Variants in BRINP3 observed in about 807,000 individuals in gnomAD.
BRINP3 encodes the protein BMP/retinoic acid inducible neural specific 3, also known as BMP/retinoic acid-inducible neural-specific protein 3.
BRINP3 carries 19 observed loss-of-function variants against 71.0 expected under a neutral mutation model. The ratio of observed to expected loss-of-function variants is 0.27; its 90% confidence interval spans 0.19 to 0.39. The LOEUF is 0.39. BRINP3 is among the 10% of genes least tolerant of loss of function. BRINP3 has a pLI of 1.00. For synonymous variants in BRINP3, 380 were observed against 337.7 expected (o/e 1.13, Z -1.37); for missense variants, 959 against 940.8 (o/e 1.02, Z -0.25).
At chr1:190,461,753 AGAATCTGTATCC>A (rs1004892194) in intron 1 of BRINP3, among the ~76,000 whole-genome samples, 3 of 152,170 alleles carry the variant, frequency 2.0e-5, no homozygotes, top group African/African-American at 7.2e-5. Flanking sequence ...GAATCTACAG[AGAATCTGTATCC>A]GAATCTGCAT....
At chr1:190,203,099 A>G (rs1312430832) in intron 6 of BRINP3, among the ~76,000 whole-genome samples, 1 of 152,034 alleles carries the variant, frequency 6.6e-6, no homozygotes, top group Non-Finnish European at 1.5e-5. Flanking sequence ...ATTTTCTTCA[A>G]TTCTGTACCA....
In BRINP3 at chr1:190,104,501, C is replaced by CT. The variant is rs201710514; in HGVS notation, c.1185-5368dup. Among the ~76,000 whole-genome samples the CT allele has an allele frequency of 2.0e-3, 296 of 151,426 alleles. 2 individuals carry two copies. Among genetic ancestry groups the CT allele is most frequent in the African/African-American group, 5.5e-3 (227 of 41,356 alleles). ...GTAGGCATTTTCTTTATTATAGCCACTTTTTTTTTCTCAGAAGATGGAACA... is the reference window on the plus strand; with the variant it reads ...GTAGGCATTTTCTTTATTATAGCCACTTTTTTTTTTCTCAGAAGATGGAACA... On this transcript the variant is annotated intron_variant, in intron 7 of 7. Coordinates refer to ENST00000367462, the MANE Select transcript of BRINP3 (RefSeq NM_199051.3).
intron 2 of BRINP3, among the ~76,000 whole-genome samples, chr1:190,317,530 T>C (rs1665968789): frequency 6.6e-6 from 1 of 152,180 alleles, no homozygotes; most frequent in Non-Finnish European, 1.5e-5. Flanking sequence ...ACATTATGCT[T>C]GAGACCCAAT....
chr1:190,333,591 C>T (rs547182932), intron 2 of BRINP3, among the ~76,000 whole-genome samples: 2 of 151,904 alleles, frequency 1.3e-5, no homozygotes, highest in Non-Finnish European at 2.9e-5. Context: ...ATGGCATCAC[C>T]TTGTAAAGAC....
At chr1:190,363,046 G>C (rs1669250989) in intron 2 of BRINP3, among the ~76,000 whole-genome samples, 1 of 152,058 alleles carries the variant, frequency 6.6e-6, no homozygotes, top group Admixed American at 6.6e-5. Context: ...GATAATATCT[G>C]AGTGAACCCA....
intron 2 of BRINP3, among the ~76,000 whole-genome samples, chr1:190,315,572 C>T (rs1389030601): frequency 6.6e-6 from 1 of 152,106 alleles, no homozygotes; most frequent in Non-Finnish European, 1.5e-5. Flanking sequence ...GTCTTCTATT[C>T]TTCCCTCTTC....
Position 190,098,342 on chromosome 1 carries a change from G to T in BRINP3, c.1977C>A (p.Gly659=). ...LEFIDPSRNL[G]YMKINNIQVF... ...CTTGAATGTTATTGATTTTCATATA[G>T]CCCAGGTTCCGGGAAGGGTCAATAA... Residue 659 remains glycine (G), a synonymous_variant, in exon 8 of 8, where the codon GGC becomes GGA. Coordinates refer to ENST00000367462, the MANE Select transcript of BRINP3 (RefSeq NM_199051.3). 1.2e-6 allele frequency: 2 copies of T among 1,614,126 alleles called. No individual in the cohort carries two copies. Among genetic ancestry groups the T allele is most frequent in the Non-Finnish European group, 1.7e-6 (2 of 1,180,028 alleles).
chr1:190,360,567 G>A (rs1669075509), intron 2 of BRINP3, among the ~76,000 whole-genome samples: 1 of 152,070 alleles, frequency 6.6e-6, no homozygotes, highest in African/African-American at 2.4e-5. Flanking sequence ...AATTCAAATT[G>A]CCTTTTGAAA....
At chr1:190,174,619 T>C (rs1392236240) in intron 6 of BRINP3, among the ~76,000 whole-genome samples, 1 of 152,090 alleles carries the variant, frequency 6.6e-6, no homozygotes, top group African/African-American at 2.4e-5. Flanking sequence ...TATAATAGCA[T>C]TGAAATAATA....
chr1:190,108,953 T>C (rs1161764351), intron 7 of BRINP3, among the ~76,000 whole-genome samples: 1 of 152,152 alleles, frequency 6.6e-6, no homozygotes, highest in East Asian at 1.9e-4. Context: ...AAATTTGTGT[T>C]ACTTGAAGAG....
chr1:190,276,433 A>T (rs929811378), intron 3 of BRINP3, among the ~76,000 whole-genome samples: 4 of 151,700 alleles, frequency 2.6e-5, no homozygotes, highest in African/African-American at 9.7e-5. Context: ...ACTATTTCTG[A>T]AATTAAATGA....
At chr1:190,409,570 C>G (rs765139189) in intron 2 of BRINP3, among the ~76,000 whole-genome samples, 9 of 152,130 alleles carry the variant, frequency 5.9e-5, no homozygotes, top group Non-Finnish European at 1.3e-4. Flanking sequence ...ACAAGCTGAT[C>G]ATTCTTGATG....
chr1:190,363,171 G>A (rs1356252745), intron 2 of BRINP3, among the ~76,000 whole-genome samples: 2 of 152,132 alleles, frequency 1.3e-5, no homozygotes, highest in Non-Finnish European at 1.5e-5. Context: ...AGTGGCCCTG[G>A]AGGAGCTAAG....
chr1:190,210,062 G>A (rs906343727), intron 6 of BRINP3, among the ~76,000 whole-genome samples: 3 of 151,966 alleles, frequency 2.0e-5, no homozygotes, highest in Non-Finnish European at 4.4e-5. Flanking sequence ...CAACATTAGA[G>A]GATTTTAACA....
At chr1:190,099,473 A>G (rs1651504357) in intron 7 of BRINP3, among the ~76,000 whole-genome samples, 1 of 152,206 alleles carries the variant, frequency 6.6e-6, no homozygotes, top group African/African-American at 2.4e-5. Flanking sequence ...AGACCATTGT[A>G]AATAAAAATG....
intron 2 of BRINP3, among the ~76,000 whole-genome samples, chr1:190,340,793 C>A (rs1667604639): frequency 6.6e-6 from 1 of 151,488 alleles, no homozygotes; most frequent in Non-Finnish European, 1.5e-5. Flanking sequence ...ATGCTAAGTA[C>A]TTGGTCCTCA....
At chr1:190,208,615 T>C (rs948937038) in intron 6 of BRINP3, among the ~76,000 whole-genome samples, 4 of 152,010 alleles carry the variant, frequency 2.6e-5, no homozygotes, top group Admixed American at 6.6e-5. Context: ...GATCCTCAGC[T>C]TCCCTAGAAG....
intron 2 of BRINP3, among the ~76,000 whole-genome samples, chr1:190,314,081 G>C (rs1459511993): frequency 1.3e-5 from 2 of 151,872 alleles, no homozygotes; most frequent in African/African-American, 4.8e-5. Context: ...AAAATATAAT[G>C]AGTGACTTGT....
At chr1:190,196,724 C>G (rs1654513627) in intron 6 of BRINP3, among the ~76,000 whole-genome samples, 1 of 151,324 alleles carries the variant, frequency 6.6e-6, no homozygotes, top group Non-Finnish European at 1.5e-5. Flanking sequence ...GAAAAATTAC[C>G]CTTTGTGTTT....
Sources: gnomAD v4.1 joint callset for allele counts (sites outside exome capture counted in the v4.1 genomes callset) on GRCh38, gnomAD v4.1.1 for gene constraint, MANE v1.5 for transcripts, NCBI Gene and HGNC (gene_info 2026-07-23, HGNC 2026-07-21) for gene names.